UPF1: variants seen among roughly 807,000 people sequenced by gnomAD.
UPF1 encodes regulator of nonsense transcripts 1.
UPF1 carries 9 observed loss-of-function variants against 129.2 expected under a neutral mutation model. The ratio of observed to expected loss-of-function variants is 0.07; its 90% CI spans 0.04 to 0.12. The LOEUF (loss-of-function observed/expected upper bound fraction) is 0.12. Ranked by LOEUF, UPF1 falls within the 10% of genes least tolerant of loss-of-function variation. The probability of loss-of-function intolerance (pLI) is 1.00; values close to 1 mark genes in which losing one functional copy is unlikely to be tolerated. For synonymous variants in UPF1, 649 were observed against 644.9 expected (o/e 1.01, Z -0.10); for missense variants, 788 against 1,525.3 (o/e 0.52, Z 8.05).
At chr19:18,841,986 T>G (rs1280538247) in intron 1 of UPF1, among the ~76,000 whole-genome samples, 1 of 152,150 alleles carries the variant, frequency 6.6e-6, no homozygotes, top group African/African-American at 2.4e-5. Context: ...TCTCAGCTAC[T>G]TGGGACGCTG....
chr19:18,863,076 A>G (rs1397870219), intron 18 of UPF1: 2 of 214,024 alleles, frequency 9.3e-6, no homozygotes, highest in Admixed American at 5.3e-5. Context: ...GAGGTGGGCT[A>G]GAGGAGCTGG....
rs771498704 is a variant in UPF1 at position 18,850,567 on chromosome 19, A to G, written c.630-121A>G. On this transcript the variant is annotated intron_variant, in intron 4 of 23. Coordinates refer to ENST00000262803, the MANE Select transcript of UPF1 (RefSeq NM_002911.4). This position sits in a 1 kb window ranked among gnomAD's most constrained non-coding sequence, Gnocchi z 7.1. Reference sequence around the variant, plus strand: ...TTACTAACAGTTTGAAGGTAATGTGATCACATAATAAAATGCAGGGCATGC... The same window carrying G: ...TTACTAACAGTTTGAAGGTAATGTGGTCACATAATAAAATGCAGGGCATGC... 1 of 1,139,132 alleles carries G rather than the reference A, an allele frequency of 8.8e-7. No homozygotes were observed. Among genetic ancestry groups the G allele is most frequent in the Non-Finnish European group, 1.2e-6 (1 of 836,526 alleles). 70.6% of individuals were successfully genotyped at this position (1,139,132 alleles called of 1,614,324 possible).
In UPF1 at chr19:18,857,103, C is replaced by T. The variant is rs186931522; in HGVS notation, c.1968+83C>T. On this transcript the variant is annotated intron_variant, in intron 14 of 23. Transcript: ENST00000262803. ...TGTCTTTTAAAACACCTTGTATTGA[C>T]GTAGGATGCCCAGCAGAGTGTGCGC... 178 of 1,551,348 alleles carry T rather than the reference C, an allele frequency of 1.1e-4. 1 individual carries two copies. The South Asian group carries it at 1.2e-3, about 10-fold the overall frequency.
Position 18,865,948 on chromosome 19 carries a change from C to T in UPF1, c.3238-96C>T, listed in dbSNP as rs548518817. On this transcript the variant is annotated intron_variant, in intron 22 of 23. Coordinates refer to ENST00000262803, the MANE Select transcript of UPF1 (RefSeq NM_002911.4). The surrounding 1 kb of genome is among the most constrained non-coding windows in gnomAD (Gnocchi z 6.1). ...GGTCTCCTGGGTCTTAGTTTGGGGA[C>T]GGGTTTTCCATTCTTTTCTCTGGGG... The T allele has an allele frequency of 2.8e-5, 44 of 1,593,432 alleles. No individual in the cohort carries two copies. The African/African-American group carries it at 3.4e-4, about 12-fold the overall frequency.
chr19:18,864,103 C>T (rs1054753921), intron 19 of UPF1, 67 bp from the exon 20 acceptor site: 1 of 1,463,534 alleles, frequency 6.8e-7, no homozygotes, highest in African/African-American at 1.4e-5. Context: ...TCCCAGGCCA[C>T]CGGGCCCGTG....
Position 18,853,665 on chromosome 19 carries a change from G to C in UPF1, c.1156+315G>C, listed in dbSNP as rs1568277375. Among the ~76,000 whole-genome samples, 1 of 152,246 alleles carries C rather than the reference G, an allele frequency of 6.6e-6. No homozygotes were observed. Among genetic ancestry groups the C allele is most frequent in the Non-Finnish European group, 1.5e-5 (1 of 68,046 alleles). ...GTGGCACGTCCCTGGACTGACTCTG[G>C]AGGTTAATGTGGCTGCAGGAGCGCC... On this transcript the variant is annotated intron_variant, in intron 8 of 23. Transcript: ENST00000262803. The surrounding 1 kb of genome is among the most constrained non-coding windows in gnomAD (Gnocchi z 4.4).
At chr19:18,845,353 G>A (rs921834610) in intron 1 of UPF1, among the ~76,000 whole-genome samples, 1 of 152,230 alleles carries the variant, frequency 6.6e-6, no homozygotes, top group Non-Finnish European at 1.5e-5. Flanking sequence ...CCTTGCAAGT[G>A]TCCTGTGCAG....
chr19:18,849,497 G>C (rs924442980), intron 3 of UPF1: 9 of 158,494 alleles, frequency 5.7e-5, no homozygotes, highest in African/African-American at 1.9e-4. Context: ...GAGCCAGCCA[G>C]GGCTTCACAC....
chr19:18,845,692 A>C (rs994541809), intron 1 of UPF1, among the ~76,000 whole-genome samples: 1 of 152,060 alleles, frequency 6.6e-6, no homozygotes, highest in Non-Finnish European at 1.5e-5. Flanking sequence ...CAGTCATGGG[A>C]AAGAAGCATC....
chr19:18,868,209 TTAA>T lies in UPF1; in HGVS notation c.*1696_*1698del, dbSNP rs769982086. The T allele has an allele frequency of 9.3e-5, 24 of 257,426 alleles. No individual in the cohort carries two copies. The highest frequency in any genetic ancestry group is 2.9e-4 in the Admixed American group (6 of 20,516). 15.9% of individuals were successfully genotyped at this position (257,426 alleles called of 1,614,324 possible). ...ATTTAAGTTCTTTTGTCACCAAATA[TTAA>T]TAAACAGTTTTGACTTCACACCAAG... is the stretch of plus-strand genomic sequence containing the variant. On this transcript the variant is annotated 3_prime_UTR_variant, in exon 24 of 24. Coordinates refer to ENST00000262803, the MANE Select transcript of UPF1 (RefSeq NM_002911.4).
At chr19:18,840,324 G>A (rs1248376492) in intron 1 of UPF1, among the ~76,000 whole-genome samples, 2 of 152,204 alleles carry the variant, frequency 1.3e-5, no homozygotes, top group Non-Finnish European at 2.9e-5. Flanking sequence ...GGGAGCCACA[G>A]ACTTAAAAAG....
rs1265297087 is a variant in UPF1, at chr19:18,851,380, T to C, written c.810+512T>C. 1.3e-5 allele frequency among the ~76,000 whole-genome samples: 2 copies of C among 152,182 alleles called. No homozygotes were observed. Among genetic ancestry groups the C allele is most frequent in the Non-Finnish European group, 2.9e-5 (2 of 68,022 alleles). ...AAGCCTTTCTGTGCTTCCAGCTGTT[T>C]AGGATTTTGTGATAAAGTAGTTCTA... On this transcript the variant is annotated intron_variant, in intron 5 of 23. Coordinates refer to ENST00000262803, the MANE Select transcript of UPF1 (RefSeq NM_002911.4). The surrounding 1 kb of genome is among the most constrained non-coding windows in gnomAD (Gnocchi z 4.2).
At position 18,850,536 on chromosome 19, in the gene UPF1, G is replaced by A. The variant is rs554620820; in HGVS notation, c.630-152G>A. On this transcript the variant is annotated intron_variant, in intron 4 of 23. Transcript: ENST00000262803. The surrounding 1 kb of genome is among the most constrained non-coding windows in gnomAD (Gnocchi z 7.1). ...AGAGCTCAAGTGCACAGGGAGATGC[G>A]ATTTATTACTAACAGTTTGAAGGTA... 6 of 911,796 alleles carry A rather than the reference G, an allele frequency of 6.6e-6. No homozygotes were observed. Among genetic ancestry groups the A allele is most frequent in the South Asian group, 3.9e-5 (2 of 51,610 alleles). 56.5% of individuals were successfully genotyped at this position (911,796 alleles called of 1,614,324 possible).
In UPF1 at chr19:18,850,982, A is replaced by C; in HGVS notation, c.810+114A>C. ...AGACCGCTGGAGATTCTCTGAAAGG[A>C]ATTCAGGCAGACCTCTGCCACCTCT... On this transcript the variant is annotated intron_variant, in intron 5 of 23. Transcript: ENST00000262803. This position sits in a 1 kb window ranked among gnomAD's most constrained non-coding sequence, Gnocchi z 7.1. 7.6e-7 allele frequency: 1 copy of C among 1,322,724 alleles called. No individual in the cohort carries two copies. The highest frequency in any genetic ancestry group is 1.0e-6 in the Non-Finnish European group (1 of 1,004,668). The allele number at this position is 1,322,724 out of a possible 1,614,324, so 81.9% of individuals were successfully genotyped here.
At chr19:18,860,053 C>T in intron 15 of UPF1, 1 of 427,622 alleles carries the variant, frequency 2.3e-6, no homozygotes, top group Non-Finnish European at 4.2e-6. Flanking sequence ...GCAAGAAAGC[C>T]CTGGCTGAGA....
intron 17 of UPF1, 137 bp downstream of exon 17, chr19:18,861,119 C>T (rs1425007896): frequency 8.2e-7 from 1 of 1,221,790 alleles, no homozygotes; most frequent in Non-Finnish European, 1.1e-6. Flanking sequence ...CTGGCCCACC[C>T]TCTGGGGAGG....
At chr19:18,863,650 A>G in intron 19 of UPF1, 38 bp downstream of exon 19, 1 of 1,583,440 alleles carries the variant, frequency 6.3e-7, no homozygotes, top group Non-Finnish European at 8.6e-7. Context: ...AGCACGGAGA[A>G]ACCCGGGCCC....
chr19:18,860,527 C>T, intron 16 of UPF1, 89 bp downstream of exon 16: 2 of 1,352,004 alleles, frequency 1.5e-6, no homozygotes, highest in South Asian at 2.5e-5. Flanking sequence ...TAACATGGGA[C>T]TGAAACTTTT....
At chr19:18,845,014 C>G (rs1709885912) in intron 1 of UPF1, among the ~76,000 whole-genome samples, 1 of 152,228 alleles carries the variant, frequency 6.6e-6, no homozygotes, top group South Asian at 2.1e-4. Context: ...CTGGAGGGGC[C>G]TCTGTGGGGT....
Sources: allele counts gnomAD v4.1 joint callset (sites outside exome capture counted in the v4.1 genomes callset), GRCh38; gene constraint gnomAD v4.1.1; non-coding constraint Gnocchi (gnomAD v3.1); transcripts MANE v1.5; gene names NCBI Gene and HGNC (gene_info 2026-07-23, HGNC 2026-07-21).